The following SYNE3 variants were observed in gnomAD, a reference collection of about 807,000 sequenced individuals.
SYNE3 encodes spectrin repeat containing nuclear envelope family member 3.
A neutral mutation model predicts 111.2 loss-of-function variants in SYNE3; 100 were observed. The ratio of observed to expected loss-of-function variants is 0.90; its 90% CI spans 0.77 to 1.06. The LOEUF (loss-of-function observed/expected upper bound fraction) is 1.06, where lower values mean the gene tolerates loss of function less well. Among genes scored for constraint, SYNE3 ranks in the 50% least tolerant of loss-of-function variants. The pLI, the probability that SYNE3 is intolerant of heterozygous loss-of-function variation, is 0.00. For missense variants in SYNE3, 1,160 were observed against 1,240.3 expected (o/e 0.94, Z 0.97); for synonymous variants, 547 against 533.9 (o/e 1.02, Z -0.34).
chr14:95,478,732 T>C (rs1889042853), intron 1 of SYNE3, among the ~76,000 whole-genome samples: 1 of 152,214 alleles, frequency 6.6e-6, no homozygotes. Context: ...CAGTCTCTGT[T>C]GCATAGTCTC....
intron 2 of SYNE3, among the ~76,000 whole-genome samples, chr14:95,468,295 T>C (rs1888318918): frequency 6.6e-6 from 1 of 152,230 alleles, no homozygotes; most frequent in African/African-American, 2.4e-5. Flanking sequence ...AAAGTGCAAG[T>C]ATTAATCGTA....
At chr14:95,454,105 C>G (rs1237564604) in intron 6 of SYNE3, among the ~76,000 whole-genome samples, 1 of 152,250 alleles carries the variant, frequency 6.6e-6, no homozygotes, top group Non-Finnish European at 1.5e-5. Context: ...AGATGAGGGT[C>G]CTGTTCCCGT....
chr14:95,475,648 A>G, intron 2 of SYNE3, 30 bp downstream of exon 2: 3 of 1,477,724 alleles, frequency 2.0e-6, no homozygotes, highest in South Asian at 2.8e-5. Flanking sequence ...CCAAGACCAC[A>G]GGGCCATCTG....
chr14:95,477,657 A>G (rs1345608524), intron 1 of SYNE3, among the ~76,000 whole-genome samples: 3 of 152,100 alleles, frequency 2.0e-5, no homozygotes, highest in Non-Finnish European at 2.9e-5. Flanking sequence ...TGGGCTGGCC[A>G]GGGGGAGGTG....
chr14:95,492,358 C>A (rs1391806836), intron 1 of SYNE3, among the ~76,000 whole-genome samples: 1 of 152,172 alleles, frequency 6.6e-6, no homozygotes, highest in Non-Finnish European at 1.5e-5. Flanking sequence ...GTGGGAGCAA[C>A]CCAAATGTCC....
intron 2 of SYNE3, among the ~76,000 whole-genome samples, chr14:95,472,525 C>T (rs867086755): frequency 2.6e-5 from 4 of 152,244 alleles, no homozygotes; most frequent in African/African-American, 4.8e-5. Context: ...GCCTCCATTT[C>T]GCCAGCTCTG....
At chr14:95,418,634 C>T (rs1485337035) in intron 17 of SYNE3, among the ~76,000 whole-genome samples, 1 of 151,754 alleles carries the variant, frequency 6.6e-6, no homozygotes, top group East Asian at 1.9e-4. Flanking sequence ...GATGGAGTCT[C>T]GCTCTGTCGC....
At chr14:95,425,733 C>T (rs559751631) in intron 17 of SYNE3, among the ~76,000 whole-genome samples, 148 of 152,272 alleles carry the variant, frequency 9.7e-4, no homozygotes, top group African/African-American at 3.5e-3. Flanking sequence ...ACATTCTGCT[C>T]AATTTTTCTA....
intron 15 of SYNE3, among the ~76,000 whole-genome samples, chr14:95,434,356 T>C (rs931666396): frequency 6.6e-6 from 1 of 152,198 alleles, no homozygotes; most frequent in Non-Finnish European, 1.5e-5. Context: ...CTGTAAAACA[T>C]CTTTGCTTTT....
At chr14:95,434,688 G>T (rs143793728) in intron 15 of SYNE3, among the ~76,000 whole-genome samples, 1 of 152,032 alleles carries the variant, frequency 6.6e-6, no homozygotes, top group South Asian at 2.1e-4. Context: ...ACAGAGTTTC[G>T]CTCTTGTTGC....
At chr14:95,483,456 A>G (rs938075557) in intron 1 of SYNE3, among the ~76,000 whole-genome samples, 8 of 151,998 alleles carry the variant, frequency 5.3e-5, no homozygotes, top group African/African-American at 1.9e-4. Context: ...TTATGCTTGG[A>G]TGTTATTTCA....
chr14:95,482,610 G>T (rs896469067), intron 1 of SYNE3, among the ~76,000 whole-genome samples: 1 of 152,136 alleles, frequency 6.6e-6, no homozygotes, highest in Non-Finnish European at 1.5e-5. Context: ...CAGTTTCAGG[G>T]AGTGACTGTC....
chr14:95,425,527 G>T (rs1348796558), intron 17 of SYNE3, among the ~76,000 whole-genome samples: 1 of 152,176 alleles, frequency 6.6e-6, no homozygotes, highest in African/African-American at 2.4e-5. Flanking sequence ...GTGGCTACTG[G>T]TCATTAGACC....
intron 1 of SYNE3, among the ~76,000 whole-genome samples, chr14:95,476,466 C>A (rs993543605): frequency 6.6e-6 from 1 of 152,244 alleles, no homozygotes; most frequent in Non-Finnish European, 1.5e-5. Context: ...ACATAATGCT[C>A]GAGATGCAAC....
chr14:95,482,578 C>G (rs73343106), intron 1 of SYNE3, among the ~76,000 whole-genome samples: 1 of 152,102 alleles, frequency 6.6e-6, no homozygotes, highest in South Asian at 2.1e-4. Context: ...AAGCCCCTCC[C>G]GAGCAAAGAA....
At chr14:95,499,854 G>GTTTTTTTTTTTTTT (rs1890259277) in intron 1 of SYNE3, among the ~76,000 whole-genome samples, 1 of 53,758 alleles carries the variant, frequency 1.9e-5, no homozygotes, top group African/African-American at 9.6e-5. Context: ...ACTAACTCTT[G>GTTTTTTTTTTTTTT]TCTTTTTTTT....
intron 17 of SYNE3, among the ~76,000 whole-genome samples, chr14:95,421,727 T>G (rs1421736295): frequency 6.6e-6 from 1 of 152,318 alleles, no homozygotes; most frequent in East Asian, 1.9e-4. Flanking sequence ...ATGCAGGGAT[T>G]AGGCACCATC....
At chr14:95,439,827 G>A (rs936589951) in intron 12 of SYNE3, 43 bp from the exon 13 acceptor site, 6 of 1,593,014 alleles carry the variant, frequency 3.8e-6, no homozygotes, top group Non-Finnish European at 5.1e-6. Context: ...CGGTGAGGGT[G>A]GAGGGAGGTT....
At chr14:95,486,632 G>A (rs1032645327) in intron 1 of SYNE3, among the ~76,000 whole-genome samples, 1 of 152,082 alleles carries the variant, frequency 6.6e-6, no homozygotes, top group Non-Finnish European at 1.5e-5. Flanking sequence ...AAACCCCAGC[G>A]GCCCATGGAC....
Sources: gnomAD v4.1 joint callset for allele counts (sites outside exome capture counted in the v4.1 genomes callset) on GRCh38, gnomAD v4.1.1 for gene constraint, MANE v1.5 for transcripts, NCBI Gene and HGNC (gene_info 2026-07-23, HGNC 2026-07-21) for gene names.